ATCAY: variants seen among roughly 807,000 people sequenced by gnomAD.
ATCAY encodes the protein ATCAY kinesin light chain interacting caytaxin.
In ATCAY, 22 loss-of-function variants were observed where a neutral mutation model predicts 47.7. That is an observed-to-expected ratio of 0.46 (90% CI 0.33 to 0.66). ATCAY has a LOEUF of 0.66. ATCAY is among the 30% of genes least tolerant of loss of function. ATCAY has a pLI of 0.02. For synonymous variants in ATCAY, 216 were observed against 207.6 expected, an observed-to-expected ratio of 1.04 and a Z score of -0.35; for missense variants, 452 against 515.0, an observed-to-expected ratio of 0.88 and a Z score of 1.18.
chr19:3,892,661 C>T (rs1316814561), intron 2 of ATCAY, among the ~76,000 whole-genome samples: 1 of 152,168 alleles, frequency 6.6e-6, no homozygotes, highest in Non-Finnish European at 1.5e-5. Context: ...AATCCCAGCA[C>T]TTTGGGAGGC....
rs2039010849 is a variant in ATCAY at position 3,920,765 on chromosome 19, G to A, written c.1074-1G>A. 6.2e-7 allele frequency: 1 copy of A among 1,613,552 alleles called. No individual in the cohort carries two copies. Among genetic ancestry groups the A allele is most frequent in the Non-Finnish European group, 8.5e-7 (1 of 1,179,714 alleles). On this transcript the variant is annotated splice_acceptor_variant, in intron 11 of 12. Coordinates refer to ENST00000450849, the MANE Select transcript of ATCAY (RefSeq NM_033064.5). LOFTEE classifies it high-confidence loss of function. The stretch of plus-strand genomic sequence containing the variant: ...GCCCAGTCTCCGTCTCTCCTCCACA[G>A]GTCTGCTCTGGTCTCAGAAGATCAG...
At chr19:3,910,718 T>C (rs1043599636) in intron 7 of ATCAY, 85 bp from the exon 8 acceptor site, 5 of 1,357,034 alleles carry the variant, frequency 3.7e-6, no homozygotes, top group African/African-American at 1.4e-5. Context: ...GAATGCTTGC[T>C]TGTGGCTCTC....
intron 9 of ATCAY, 121 bp from the exon 10 acceptor site, chr19:3,917,621 G>GAAAAAAAAAAAAA: frequency 4.8e-6 from 2 of 415,150 alleles, no homozygotes; most frequent in East Asian, 4.9e-5. Context: ...GGAAGAAGAA[G>GAAAAAAAAAAAAA]AAGAAGAAAA....
At chr19:3,905,878 AAAAG>A (rs1296332218) in intron 4 of ATCAY, among the ~76,000 whole-genome samples, 1 of 151,816 alleles carries the variant, frequency 6.6e-6, no homozygotes, top group East Asian at 1.9e-4. Context: ...AAATTTTTAA[AAAAG>A]AGAGAGGTGG....
At chr19:3,887,580 G>A (rs1171242440) in intron 2 of ATCAY, among the ~76,000 whole-genome samples, 4 of 150,968 alleles carry the variant, frequency 2.6e-5, no homozygotes, top group African/African-American at 4.8e-5. Flanking sequence ...TCCGCCTCCC[G>A]GGTTCACGCC....
At chr19:3,902,732 G>A (rs138332613) in intron 3 of ATCAY, among the ~76,000 whole-genome samples, 187 bp downstream of exon 3, 86 of 152,262 alleles carry the variant, frequency 5.6e-4, no homozygotes, top group Middle Eastern at 3.4e-3. Context: ...CTCTCATGAA[G>A]CCAGCACGCT....
At chr19:3,908,897 C>T (rs199668634) in intron 6 of ATCAY, among the ~76,000 whole-genome samples, 4 of 102,098 alleles carry the variant, frequency 3.9e-5, no homozygotes, top group East Asian at 6.5e-4. Context: ...CTCTCCTCCC[C>T]CTCCCCATCC....
intron 7 of ATCAY, among the ~76,000 whole-genome samples, chr19:3,910,030 A>C (rs890328652): frequency 6.6e-6 from 1 of 152,088 alleles, no homozygotes. Context: ...TGGAGGTTGC[A>C]GTGAGCCGAG....
At chr19:3,890,852 C>T (rs912798551) in intron 2 of ATCAY, among the ~76,000 whole-genome samples, 12 of 152,304 alleles carry the variant, frequency 7.9e-5, no homozygotes, top group Admixed American at 2.0e-4. Flanking sequence ...CTGTCTTCCT[C>T]GTCTCTGGAA....
chr19:3,918,456 G>A (rs2038985285), intron 10 of ATCAY, among the ~76,000 whole-genome samples: 1 of 151,440 alleles, frequency 6.6e-6, no homozygotes. Context: ...CAGGGAGACT[G>A]AATCGGGACG....
intron 2 of ATCAY, among the ~76,000 whole-genome samples, chr19:3,891,554 G>A (rs761991408): frequency 6.6e-6 from 1 of 151,916 alleles, no homozygotes; most frequent in Non-Finnish European, 1.5e-5. Context: ...GCCAGGGAGG[G>A]AAGGGGAGCT....
At chr19:3,887,189 G>GC (rs1056788698) in intron 2 of ATCAY, among the ~76,000 whole-genome samples, 10 of 151,948 alleles carry the variant, frequency 6.6e-5, no homozygotes, top group Non-Finnish European at 5.9e-5. Flanking sequence ...GGGCACGGTG[G>GC]CTCACGCCTA....
intron 2 of ATCAY, among the ~76,000 whole-genome samples, chr19:3,892,938 G>A (rs111623293): frequency 2.6e-3 from 395 of 152,048 alleles, no homozygotes; most frequent in Non-Finnish European, 4.4e-3. Flanking sequence ...CAATTGTACC[G>A]ATAATGTCCC....
At chr19:3,910,596 T>C (rs1220372705) in intron 7 of ATCAY, among the ~76,000 whole-genome samples, 3 of 152,030 alleles carry the variant, frequency 2.0e-5, no homozygotes, top group Non-Finnish European at 2.9e-5. Context: ...CACCTGAGGG[T>C]CTTAGGGACT....
intron 1 of ATCAY, 109 bp from the exon 2 acceptor site, chr19:3,885,618 G>C: frequency 3.3e-6 from 2 of 608,708 alleles, no homozygotes; most frequent in East Asian, 2.8e-5. Flanking sequence ...GAGGGGAAGG[G>C]GGAGGGGGAG....
intron 6 of ATCAY, among the ~76,000 whole-genome samples, chr19:3,908,849 T>C (rs1171081428): frequency 4.8e-5 from 2 of 41,242 alleles, no homozygotes; most frequent in Admixed American, 3.2e-4. Flanking sequence ...CCCCCCTTCC[T>C]CCTCCTTCTC....
chr19:3,915,987 G>T (rs1306360698), intron 9 of ATCAY, among the ~76,000 whole-genome samples: 1 of 151,982 alleles, frequency 6.6e-6, no homozygotes, highest in African/African-American at 2.4e-5. Context: ...ACTGCACCCG[G>T]CCCTCTCCAG....
At chr19:3,892,779 G>A (rs555236373) in intron 2 of ATCAY, among the ~76,000 whole-genome samples, 7 of 151,916 alleles carry the variant, frequency 4.6e-5, no homozygotes, top group Non-Finnish European at 8.8e-5. Context: ...GTGGTGGCGG[G>A]CACCTGTAAT....
At chr19:3,901,239 C>T (rs768985368) in intron 2 of ATCAY, among the ~76,000 whole-genome samples, 1 of 152,198 alleles carries the variant, frequency 6.6e-6, no homozygotes, top group Non-Finnish European at 1.5e-5. Flanking sequence ...TGTACATAAA[C>T]TATTTCCAAT....
Sources: gnomAD v4.1 joint callset for allele counts (sites outside exome capture counted in the v4.1 genomes callset) on GRCh38, gnomAD v4.1.1 for gene constraint, MANE v1.5 for transcripts, NCBI Gene and HGNC (gene_info 2026-07-23, HGNC 2026-07-21) for gene names.